The following TMC1 variants were observed in gnomAD, a reference collection of about 807,000 sequenced individuals.
TMC1 encodes transmembrane channel like 1.
A neutral mutation model predicts 105.8 loss-of-function variants in TMC1; 84 were observed. That is an observed-to-expected ratio of 0.79 (90% confidence interval 0.67 to 0.95). The LOEUF is 0.95. Among genes scored for constraint, TMC1 ranks in the 40% least tolerant of loss-of-function variants. TMC1 has a pLI of 0.00. For missense variants in TMC1, 817 were observed against 914.1 expected, an observed-to-expected ratio of 0.89 and a Z score of 1.37; for synonymous variants, 315 against 311.5, an observed-to-expected ratio of 1.01 and a Z score of -0.12.
chr9:72,690,532 T>G (rs1041169640), intron 6 of TMC1, among the ~76,000 whole-genome samples: 8 of 152,214 alleles, frequency 5.3e-5, no homozygotes, highest in Non-Finnish European at 1.0e-4. Context: ...GGTGATTAAC[T>G]TAGGTTTTGT....
intron 3 of TMC1, among the ~76,000 whole-genome samples, chr9:72,619,583 T>A (rs1347249976): frequency 2.0e-5 from 3 of 152,132 alleles, no homozygotes; most frequent in Non-Finnish European, 4.4e-5. Context: ...TTTCTCTTTA[T>A]GTTCCAATCT....
Position 72,715,373 on chromosome 9 carries a change from T to A in TMC1, c.362+14730T>A, listed in dbSNP as rs538490686. On this transcript the variant is annotated intron_variant, in intron 8 of 23. Transcript: ENST00000297784. ...AAGAATGTTTTCCAACTTGGTTCCA[T>A]TCTCCCCATCACTTTCAGGTACACC... Among the ~76,000 whole-genome samples the A allele has an allele frequency of 2.0e-5, 3 of 152,318 alleles. No individual in the cohort carries two copies. In the South Asian group the frequency reaches 6.2e-4, roughly 32 times the overall value.
chr9:72,718,179 G>A (rs551961160), intron 8 of TMC1, among the ~76,000 whole-genome samples: 1 of 151,772 alleles, frequency 6.6e-6, no homozygotes, highest in Non-Finnish European at 1.5e-5. Context: ...CTTACTACTC[G>A]ACCTTCTGAA....
At chr9:72,798,000 A>C (rs1828402136) in intron 17 of TMC1, among the ~76,000 whole-genome samples, 1 of 152,206 alleles carries the variant, frequency 6.6e-6, no homozygotes, top group South Asian at 2.1e-4. Context: ...AGAGTCTACA[A>C]GGAAATTAAA....
At chr9:72,656,932 G>A (rs768798733) in intron 5 of TMC1, among the ~76,000 whole-genome samples, 1 of 152,186 alleles carries the variant, frequency 6.6e-6, no homozygotes, top group Non-Finnish European at 1.5e-5. Context: ...CTGTGAGATA[G>A]GAGGTCTTTC....
intron 8 of TMC1, among the ~76,000 whole-genome samples, chr9:72,717,626 T>C (rs1188143042): frequency 1.3e-5 from 2 of 152,182 alleles, no homozygotes; most frequent in Non-Finnish European, 2.9e-5. Context: ...AGGACCCCAG[T>C]CCCCTCTAGC....
rs537792719 is a variant in TMC1, at chr9:72,669,240, C to T, written c.17-19469C>T. ...AGGAGGATCGCTTGAACCTGGGAGG[C>T]GGAGGTAGCAGTGAGCTGGAATTGC... On this transcript the variant is annotated intron_variant, in intron 5 of 23. Coordinates refer to ENST00000297784, the MANE Select transcript of TMC1 (RefSeq NM_138691.3). 3.3e-5 allele frequency among the ~76,000 whole-genome samples: 5 copies of T among 152,036 alleles called. No homozygotes were observed. The East Asian group carries it at 7.7e-4, about 24-fold the overall frequency.
At chr9:72,833,965 T>C (rs918710554) in intron 23 of TMC1, among the ~76,000 whole-genome samples, 1 of 152,110 alleles carries the variant, frequency 6.6e-6, no homozygotes, top group Non-Finnish European at 1.5e-5. Flanking sequence ...TCAATGGACT[T>C]TTGCTCTTTG....
intron 3 of TMC1, 134 bp from the exon 4 acceptor site, chr9:72,627,787 T>C: frequency 3.1e-6 from 1 of 318,138 alleles, no homozygotes; most frequent in Non-Finnish European, 6.2e-6. Context: ...TTTTAACAAA[T>C]CCTGTAGTTA....
chr9:72,794,783 C>G (rs761901209), intron 17 of TMC1, among the ~76,000 whole-genome samples: 1 of 152,110 alleles, frequency 6.6e-6, no homozygotes. Context: ...GCTGAGCTAG[C>G]TGAAATGACT....
At chr9:72,612,076 G>T (rs980699190) in intron 2 of TMC1, among the ~76,000 whole-genome samples, 1 of 152,124 alleles carries the variant, frequency 6.6e-6, no homozygotes, top group African/African-American at 2.4e-5. Flanking sequence ...GAGGGAGAAT[G>T]AGAGGCAAGG....
chr9:72,722,209 T>G (rs1306714672), intron 8 of TMC1, among the ~76,000 whole-genome samples: 1 of 152,202 alleles, frequency 6.6e-6, no homozygotes, highest in African/African-American at 2.4e-5. Flanking sequence ...TAAGGTCACC[T>G]TACACAGTTA....
intron 13 of TMC1, among the ~76,000 whole-genome samples, chr9:72,784,002 G>C (rs1296310814): frequency 6.6e-6 from 1 of 152,088 alleles, no homozygotes; most frequent in African/African-American, 2.4e-5. Context: ...CTGGATATCG[G>C]CCCTGGCAAA....
chr9:72,820,368 A>G (rs955667751), intron 19 of TMC1, among the ~76,000 whole-genome samples: 3 of 152,220 alleles, frequency 2.0e-5, no homozygotes, highest in African/African-American at 7.2e-5. Context: ...AGCAAAAACT[A>G]ATTATTCATG....
intron 8 of TMC1, among the ~76,000 whole-genome samples, chr9:72,712,933 T>C (rs1826859280): frequency 6.6e-6 from 1 of 152,212 alleles, no homozygotes; most frequent in African/African-American, 2.4e-5. Flanking sequence ...CTCTTATTAT[T>C]TTGAGATACA....
chr9:72,802,207 A>G (rs1828484329), intron 17 of TMC1, among the ~76,000 whole-genome samples: 1 of 152,068 alleles, frequency 6.6e-6, no homozygotes. Context: ...AGCCTGGGCA[A>G]CATAGCAAGA....
At chr9:72,650,883 GATATATAGATATATATATAAAT>G (rs71359509) in intron 5 of TMC1, among the ~76,000 whole-genome samples, 24 of 98,406 alleles carry the variant, frequency 2.4e-4, no homozygotes, top group South Asian at 1.1e-3. Flanking sequence ...TATATATATA[GATATATAGATATATATATAAAT>G]ATATATAGAT....
chr9:72,568,375 A>C (rs1032165064), intron 1 of TMC1, among the ~76,000 whole-genome samples: 2 of 152,190 alleles, frequency 1.3e-5, no homozygotes, highest in East Asian at 3.8e-4. Context: ...ATTAAAATGG[A>C]AACGAGATTA....
chr9:72,714,401 G>GAGA (rs1461365010), intron 8 of TMC1, among the ~76,000 whole-genome samples: 13 of 152,246 alleles, frequency 8.5e-5, no homozygotes, highest in African/African-American at 3.1e-4. Context: ...GAGGGTCTAA[G>GAGA]CCTCTTTGTA....
Sources: gnomAD v4.1 joint callset for allele counts (sites outside exome capture counted in the v4.1 genomes callset) on GRCh38, gnomAD v4.1.1 for gene constraint, MANE v1.5 for transcripts, NCBI Gene and HGNC (gene_info 2026-07-23, HGNC 2026-07-21) for gene names.